SGCD: variants seen among roughly 807,000 people sequenced by gnomAD.
SGCD encodes the protein sarcoglycan delta, also known as delta-sarcoglycan.
Under a neutral mutation model 36.6 loss-of-function variants are expected in SGCD, and 18 were observed. The observed-to-expected ratio is 0.49, with a 90% confidence interval of 0.34 to 0.73. The LOEUF is 0.73. Ranked by LOEUF, SGCD falls within the 30% of genes least tolerant of loss-of-function variation. The pLI, the probability that SGCD is intolerant of heterozygous loss-of-function variation, is 0.01. For missense variants in SGCD, 387 were observed against 346.7 expected, an observed-to-expected ratio of 1.12 and a Z score of -0.92; for synonymous variants, 133 against 130.6, an observed-to-expected ratio of 1.02 and a Z score of -0.12.
At chr5:156,449,515 G>T (rs1374660608) in intron 3 of SGCD, among the ~76,000 whole-genome samples, 2 of 151,536 alleles carry the variant, frequency 1.3e-5, no homozygotes, top group Admixed American at 6.6e-5. Flanking sequence ...TTACTAGGAG[G>T]AGGAAAAGAA....
the SGCD span, among the ~76,000 whole-genome samples, chr5:155,802,880 A>G: frequency 1.3e-5 from 2 of 152,176 alleles, no homozygotes; most frequent in Non-Finnish European, 2.9e-5. Flanking sequence ...GATATTTTTC[A>G]TCTGAGGAAT....
rs192364381 is a variant in SGCD at position 156,265,357 on chromosome 5, C to T, written c.-43-64177C>T. 5.3e-5 allele frequency among the ~76,000 whole-genome samples: 8 copies of T among 152,124 alleles called. No individual in the cohort carries two copies. The East Asian group carries it at 1.5e-3, about 29-fold the overall frequency. On this transcript the variant is annotated intron_variant, in intron 3 of 9. Coordinates refer to the SGCD transcript ENST00000517913. ...GGAAGATTCTAAGAAATATTGTTTCCTAATTACTCAGTTACGGAGAATGGA... is the reference window on the plus strand; with the variant it reads ...GGAAGATTCTAAGAAATATTGTTTCTTAATTACTCAGTTACGGAGAATGGA...
intron 3 of SGCD, among the ~76,000 whole-genome samples, chr5:156,234,469 G>T (rs536398910): frequency 2.0e-5 from 3 of 151,966 alleles, no homozygotes; most frequent in Non-Finnish European, 4.4e-5. Context: ...GCTCTATGGA[G>T]GTTCATTAGA....
At chr5:156,177,257 C>T (rs1763497536) in intron 3 of SGCD, among the ~76,000 whole-genome samples, 1 of 152,158 alleles carries the variant, frequency 6.6e-6, no homozygotes, top group African/African-American at 2.4e-5. Context: ...ACCTCGGCCA[C>T]CCAATGTGCT....
At chr5:156,558,107 ATATATATATATATATATT>A (rs1009519860) in intron 4 of SGCD, among the ~76,000 whole-genome samples, 22 of 134,656 alleles carry the variant, frequency 1.6e-4, no homozygotes, top group African/African-American at 3.3e-4. Context: ...ATATATATAT[ATATATATATATATATATT>A]ATTTAACTCT....
intron 1 of SGCD, among the ~76,000 whole-genome samples, chr5:156,021,640 A>C (rs939979281): frequency 2.0e-5 from 3 of 152,202 alleles, no homozygotes; most frequent in African/African-American, 7.2e-5. Flanking sequence ...GTGATGTTCA[A>C]GAAGAGCAGA....
Position 155,935,670 on chromosome 5 carries a change from C to T in SGCD, c.-282+65246C>T, listed in dbSNP as rs527677251. On this transcript the variant is annotated intron_variant, in intron 1 of 9. Coordinates refer to the SGCD transcript ENST00000517913. ...AGCTTAGCATGAGGACAAGAGGGAA[C>T]GCTCATGTGTCTAATCACTTGCCTA... 5.3e-5 allele frequency among the ~76,000 whole-genome samples: 8 copies of T among 152,266 alleles called. No homozygotes were observed. In the East Asian group the frequency reaches 1.2e-3, roughly 22 times the overall value.
At chr5:156,720,753 CT>C (rs1339400080) in intron 7 of SGCD, among the ~76,000 whole-genome samples, 1 of 152,132 alleles carries the variant, frequency 6.6e-6, no homozygotes, top group Non-Finnish European at 1.5e-5. Context: ...TCAAAGTTAC[CT>C]TTTGCTCATA....
intron 1 of SGCD, among the ~76,000 whole-genome samples, chr5:156,053,289 C>T (rs1289394717): frequency 6.9e-6 from 1 of 145,916 alleles, no homozygotes; most frequent in Non-Finnish European, 1.5e-5. Flanking sequence ...TCCCCAGTCC[C>T]CGGCCATGTA....
chr5:155,779,309 A>C, the SGCD span, among the ~76,000 whole-genome samples: 1 of 152,032 alleles, frequency 6.6e-6, no homozygotes, highest in Non-Finnish European at 1.5e-5. Flanking sequence ...GTGATGGTGC[A>C]TTCCTGTGCT....
intron 3 of SGCD, among the ~76,000 whole-genome samples, chr5:156,453,355 CA>C (rs1561705636): frequency 2.6e-5 from 4 of 152,130 alleles, no homozygotes; most frequent in Admixed American, 1.3e-4. Context: ...AGCTGTTTTA[CA>C]AGGTAGTGAG....
At chr5:156,424,404 T>A (rs1773574214) in intron 3 of SGCD, among the ~76,000 whole-genome samples, 1 of 152,082 alleles carries the variant, frequency 6.6e-6, no homozygotes, top group Non-Finnish European at 1.5e-5. Context: ...ATAACAATCA[T>A]GAATGTCCTC....
rs1033449135 is a variant in SGCD, at chr5:156,465,438, G to A, written c.193-43163G>A. On this transcript the variant is annotated intron_variant, in intron 3 of 8. Transcript: ENST00000337851. ...TAAAATCTTTAGGCAACGTTCTACA[G>A]TTACTTCTGGTAAGGTTCATGAGAA... Among the ~76,000 whole-genome samples, 4 of 152,144 alleles carry A rather than the reference G, an allele frequency of 2.6e-5. No homozygotes were observed. The East Asian group carries it at 7.7e-4, about 29-fold the overall frequency.
intron 3 of SGCD, among the ~76,000 whole-genome samples, chr5:156,457,432 A>C (rs1030684558): frequency 2.6e-5 from 4 of 152,248 alleles, no homozygotes; most frequent in African/African-American, 9.6e-5. Flanking sequence ...AGTCATTTCC[A>C]TAAAAAGCAC....
intron 3 of SGCD, among the ~76,000 whole-genome samples, chr5:156,254,187 C>T (rs1302219403): frequency 6.6e-6 from 1 of 152,076 alleles, no homozygotes; most frequent in Admixed American, 6.6e-5. Context: ...AAAGGAAATG[C>T]TTCAAAGATT....
chr5:156,524,120 A>AGT (rs1267731335), intron 4 of SGCD, among the ~76,000 whole-genome samples: 1 of 101,344 alleles, frequency 9.9e-6, no homozygotes, highest in African/African-American at 4.4e-5. Context: ...ATATATATAT[A>AGT]TATATATATA....
At chr5:156,363,190 A>G (rs1169879945) in intron 3 of SGCD, among the ~76,000 whole-genome samples, 1 of 152,220 alleles carries the variant, frequency 6.6e-6, no homozygotes, top group Non-Finnish European at 1.5e-5. Flanking sequence ...AATTGCACAA[A>G]TAGCTTTCCG....
intron 6 of SGCD, among the ~76,000 whole-genome samples, chr5:156,630,241 A>C (rs1012889369): frequency 6.6e-6 from 1 of 152,182 alleles, no homozygotes; most frequent in African/African-American, 2.4e-5. Flanking sequence ...AAACTGTGAG[A>C]GGTATAAGAG....
At chr5:156,133,953 AC>A (rs1561533599) in intron 3 of SGCD, among the ~76,000 whole-genome samples, 44 of 136,348 alleles carry the variant, frequency 3.2e-4, no homozygotes, top group African/African-American at 1.1e-3. Context: ...ACACACACAC[AC>A]ACACACAGTT....
Sources: gnomAD v4.1 joint callset for allele counts (sites outside exome capture counted in the v4.1 genomes callset) on GRCh38, gnomAD v4.1.1 for gene constraint, MANE v1.5 for transcripts, NCBI Gene and HGNC (gene_info 2026-07-23, HGNC 2026-07-21) for gene names.